The following GRIN2B variants were observed in gnomAD, a reference collection of about 807,000 sequenced individuals.
GRIN2B encodes the protein glutamate receptor ionotropic, NMDA 2B.
Under a neutral mutation model 114.5 loss-of-function variants are expected in GRIN2B, and 5 were observed. That is an observed-to-expected ratio of 0.04 (90% CI 0.02 to 0.09). GRIN2B has a LOEUF of 0.09. Ranked by LOEUF, GRIN2B falls within the 10% of genes least tolerant of loss-of-function variation. GRIN2B has a pLI of 1.00. For missense variants in GRIN2B, 1,108 were observed against 1,943.5 expected (o/e 0.57, Z 8.08); for synonymous variants, 787 against 745.1 (o/e 1.06, Z -0.92).
chr12:13,751,990 A>AAT (rs1432543183), intron 4 of GRIN2B, among the ~76,000 whole-genome samples: 4 of 152,182 alleles, frequency 2.6e-5, no homozygotes, highest in Non-Finnish European at 5.9e-5. Context: ...CCTAGGGATG[A>AAT]TGGAAAGAGG....
At chr12:13,686,887 T>C (rs1413704351) in intron 4 of GRIN2B, among the ~76,000 whole-genome samples, 1 of 152,304 alleles carries the variant, frequency 6.6e-6, no homozygotes, top group East Asian at 1.9e-4. Flanking sequence ...TAATGGAAGC[T>C]GTTTGGGTCA....
chr12:13,651,757 A>G (rs1395743080), intron 5 of GRIN2B, among the ~76,000 whole-genome samples: 1 of 152,110 alleles, frequency 6.6e-6, no homozygotes, highest in East Asian at 1.9e-4. Context: ...GTAAACAGAA[A>G]TTAGTCCAGT....
Position 13,864,984 on chromosome 12 carries a change from G to A in GRIN2B, c.411+814C>T, listed in dbSNP as rs141333047. Among the ~76,000 whole-genome samples the A allele has an allele frequency of 4.9e-3, 753 of 152,292 alleles. 2 individuals are homozygous for A. Among genetic ancestry groups the A allele is most frequent in the Non-Finnish European group, 8.1e-3 (553 of 68,026 alleles). ...GCATGGGGAAAAATGTGTTGCTACA[G>A]GTTCCACGGATTAAAATCCATCTGG... On this transcript the variant is annotated intron_variant, in intron 3 of 13. Coordinates refer to ENST00000609686, the MANE Select transcript of GRIN2B (RefSeq NM_000834.5).
At chr12:13,908,477 A>G (rs1866580119) in intron 2 of GRIN2B, among the ~76,000 whole-genome samples, 1 of 152,204 alleles carries the variant, frequency 6.6e-6, no homozygotes, top group Admixed American at 6.5e-5. Context: ...AAAGATTAAA[A>G]GAGTTTTTAA....
intron 4 of GRIN2B, among the ~76,000 whole-genome samples, chr12:13,708,381 G>A (rs186190179): frequency 2.0e-5 from 3 of 152,114 alleles, no homozygotes; most frequent in East Asian, 1.9e-4. Flanking sequence ...CCACTCTAAC[G>A]TCAAAGCCTA....
intron 2 of GRIN2B, among the ~76,000 whole-genome samples, chr12:13,903,089 T>C (rs1475017445): frequency 1.3e-5 from 2 of 152,172 alleles, no homozygotes; most frequent in Non-Finnish European, 2.9e-5. Context: ...CTTCTAGTGA[T>C]ATCCCCATTT....
intron 2 of GRIN2B, among the ~76,000 whole-genome samples, chr12:13,902,034 T>C (rs888026702): frequency 2.0e-5 from 3 of 152,172 alleles, no homozygotes; most frequent in African/African-American, 7.2e-5. Context: ...GTTTTGGAAG[T>C]TTTCTATTCC....
intron 3 of GRIN2B, among the ~76,000 whole-genome samples, chr12:13,796,222 C>T (rs988816144): frequency 4.6e-5 from 7 of 152,032 alleles, no homozygotes; most frequent in Non-Finnish European, 8.8e-5. Context: ...TGGAGAACAC[C>T]ACACATTTTT....
In GRIN2B at chr12:13,563,203, G is replaced by A. The variant is rs776247380; in HGVS notation, c.4035C>T (p.Gly1345=). The A allele has an allele frequency of 9.3e-6, 15 of 1,614,060 alleles. No individual in the cohort carries two copies. The highest frequency in any genetic ancestry group is 5.0e-5 in the Admixed American group (3 of 60,006). ...ACTTGTTGTTGGCAAAGGTGCTCTCGCCAGCTGACATCTCAAACATGTGGG... is the reference window on the plus strand; with the variant it reads ...ACTTGTTGTTGGCAAAGGTGCTCTCACCAGCTGACATCTCAAACATGTGGG... ...PYAHMFEMSA[G]ESTFANNKSS... Residue 1345 remains glycine (G), a synonymous_variant, in exon 14 of 14, where the codon GGC becomes GGT. Coordinates refer to ENST00000609686, the MANE Select transcript of GRIN2B (RefSeq NM_000834.5).
intron 4 of GRIN2B, among the ~76,000 whole-genome samples, chr12:13,730,897 C>T (rs532097492): frequency 1.3e-5 from 2 of 152,278 alleles, no homozygotes; most frequent in African/African-American, 4.8e-5. Context: ...AAACCCCTTT[C>T]CTTTCTTAAA....
At chr12:13,755,879 G>A (rs112793219) in intron 3 of GRIN2B, among the ~76,000 whole-genome samples, 233 of 152,246 alleles carry the variant, frequency 1.5e-3, no homozygotes, top group African/African-American at 5.5e-3. Context: ...GCCCCAGAGA[G>A]CTACCTTGCT....
At chr12:13,723,897 A>T (rs1236602829) in intron 4 of GRIN2B, among the ~76,000 whole-genome samples, 10 of 152,118 alleles carry the variant, frequency 6.6e-5, no homozygotes, top group Non-Finnish European at 1.5e-4. Context: ...GAGGAAAAAA[A>T]CTAATAGTGG....
chr12:13,575,804 A>G lies in GRIN2B; in HGVS notation c.2011-3840T>C, dbSNP rs1016631213. ...TTCAGCTTTGTCTCAGGCCAGCTGC[A>G]TGAACATGGGCAAGTTCCTTAAATT... On this transcript the variant is annotated intron_variant, in intron 10 of 13. Coordinates refer to ENST00000609686, the MANE Select transcript of GRIN2B (RefSeq NM_000834.5). 2.6e-5 allele frequency among the ~76,000 whole-genome samples: 4 copies of G among 152,170 alleles called. No individual in the cohort carries two copies. The South Asian group carries it at 8.3e-4, about 32-fold the overall frequency.
chr12:13,572,334 A>C (rs1341531237), intron 10 of GRIN2B, among the ~76,000 whole-genome samples: 2 of 152,238 alleles, frequency 1.3e-5, no homozygotes, highest in Non-Finnish European at 2.9e-5. Flanking sequence ...CTTTCTAAAA[A>C]AATATGTAAA....
chr12:13,610,552 A>G (rs963385635), intron 9 of GRIN2B, among the ~76,000 whole-genome samples: 1 of 152,202 alleles, frequency 6.6e-6, no homozygotes, highest in Non-Finnish European at 1.5e-5. Flanking sequence ...GTACCATGCC[A>G]TGGAGACACC....
intron 4 of GRIN2B, among the ~76,000 whole-genome samples, chr12:13,685,025 A>G (rs1420864563): frequency 6.6e-6 from 1 of 152,178 alleles, no homozygotes; most frequent in Non-Finnish European, 1.5e-5. Context: ...TTTCAGGCCT[A>G]CTGAAAGAAT....
chr12:13,615,375 A>G lies in GRIN2B; in HGVS notation c.1501-108T>C, dbSNP rs1949423678. On this transcript the variant is annotated intron_variant, in intron 7 of 13. Transcript: ENST00000609686. The surrounding 1 kb of genome is among the most constrained non-coding windows in gnomAD (Gnocchi z 5.8). ...TTTCTTTGTATAGTGGGAACAATAC[A>G]TCTTATTTGCCATTTTATATTTTCT... is the stretch of plus-strand genomic sequence containing the variant. 7 of 1,413,948 alleles carry G rather than the reference A, an allele frequency of 5.0e-6. No homozygotes were observed. Among genetic ancestry groups the G allele is most frequent in the East Asian group, 2.3e-5 (1 of 43,926 alleles). 87.6% of individuals were successfully genotyped at this position (1,413,948 alleles called of 1,614,324 possible). A position where few individuals can be genotyped will look rare whatever the true frequency, so the allele number is the denominator to read the frequency against.
intron 5 of GRIN2B, among the ~76,000 whole-genome samples, chr12:13,617,008 C>T (rs549367582): frequency 1.3e-5 from 2 of 152,276 alleles, no homozygotes; most frequent in African/African-American, 4.8e-5. Context: ...TATCTTGCAG[C>T]GCTGTGTAGT....
In GRIN2B at chr12:13,554,182, A is replaced by C. The variant is rs530667393; in HGVS notation, c.*8601T>G. The C allele has an allele frequency of 6.6e-6, 1 of 152,316 alleles. No homozygotes were observed. The highest frequency in any genetic ancestry group is 1.9e-4 in the East Asian group (1 of 5,190). The allele number at this position is 152,316 out of a possible 1,614,324, so 9.4% of individuals were successfully genotyped here. A position where few individuals can be genotyped will look rare whatever the true frequency, so the allele number is the denominator to read the frequency against. On this transcript the variant is annotated 3_prime_UTR_variant, in exon 14 of 14. Coordinates refer to ENST00000609686, the MANE Select transcript of GRIN2B (RefSeq NM_000834.5). ...TGCTACAGGAGATAAAAAGATTTAAAAATACATGGCCCTGAACACAGGGAG... is the reference window on the plus strand; with the variant it reads ...TGCTACAGGAGATAAAAAGATTTAACAATACATGGCCCTGAACACAGGGAG...
Sources: allele counts gnomAD v4.1 joint callset (sites outside exome capture counted in the v4.1 genomes callset), GRCh38; gene constraint gnomAD v4.1.1; non-coding constraint Gnocchi (gnomAD v3.1); transcripts MANE v1.5; gene names NCBI Gene and HGNC (gene_info 2026-07-23, HGNC 2026-07-21).